The following RGS6 variants were observed in gnomAD, a reference collection of about 807,000 sequenced individuals.
RGS6 encodes regulator of G-protein signaling 6.
In RGS6, 30 loss-of-function variants were observed where a neutral mutation model predicts 78.5. The observed-to-expected ratio is 0.38, with a 90% CI of 0.29 to 0.52. The LOEUF is 0.52. RGS6 is among the 20% of genes least tolerant of loss of function. The probability of loss-of-function intolerance (pLI) is 0.85; values close to 1 mark genes in which losing one functional copy is unlikely to be tolerated. For synonymous variants in RGS6, 206 were observed against 206.0 expected (o/e 1.00, Z 0.00); for missense variants, 495 against 609.7 (o/e 0.81, Z 1.98).
At chr14:72,367,263 T>C (rs1023592444) in intron 3 of RGS6, among the ~76,000 whole-genome samples, 1 of 152,192 alleles carries the variant, frequency 6.6e-6, no homozygotes, top group Non-Finnish European at 1.5e-5. Flanking sequence ...TTCCAGGACA[T>C]CCCCATGGGT....
chr14:72,319,204 C>A (rs2071161696), intron 2 of RGS6, among the ~76,000 whole-genome samples: 1 of 152,068 alleles, frequency 6.6e-6, no homozygotes, highest in African/African-American at 2.4e-5. Context: ...ACAGACAAAT[C>A]AAAAGATAAC....
rs138716409 is a variant in RGS6, at chr14:72,079,604, T to G, written c.84+114729T>G. ...AACTTTCAAATACATTGTTATTAAC[T>G]GTAGTCACCATGGTGTATAACGGAT... On this transcript the variant is annotated intron_variant, in intron 2 of 17. Transcript: ENST00000553525. Among the ~76,000 whole-genome samples, 624 of 152,296 alleles carry G rather than the reference T, an allele frequency of 4.1e-3. 4 individuals are homozygous for G. The highest frequency in any genetic ancestry group is 0.014 in the African/African-American group (571 of 41,576).
rs576253039 is a variant in RGS6, at chr14:71,976,351, G to A, written c.84+11476G>A. ...ATGTATACATGTGCCATGCTGGTGC[G>A]CTGCACCCACTAACTCGTCATCTAG... is the stretch of plus-strand genomic sequence containing the variant. On this transcript the variant is annotated intron_variant, in intron 2 of 17. Transcript: ENST00000553525. Among the ~76,000 whole-genome samples, 39 of 149,982 alleles carry A rather than the reference G, an allele frequency of 2.6e-4. 1 individual carries two copies. The highest frequency in any genetic ancestry group is 7.9e-4 in the African/African-American group (32 of 40,668).
chr14:72,266,426 C>G lies in RGS6; in HGVS notation c.85-85669C>G, dbSNP rs575230370. Among the ~76,000 whole-genome samples the G allele has an allele frequency of 1.9e-4, 29 of 152,286 alleles. 2 individuals carry two copies. In the South Asian group the frequency reaches 2.5e-3, roughly 13 times the overall value. The stretch of plus-strand genomic sequence containing the variant: ...GGTGGTTGCACAGTTATGCCGTCCT[C>G]CCAGTTTTTACCTAGCCCCCACCTC... On this transcript the variant is annotated intron_variant, in intron 2 of 17. Coordinates refer to ENST00000553525, the MANE Select transcript of RGS6 (RefSeq NM_001204424.2).
rs376417966 is a variant in RGS6 at position 72,270,368 on chromosome 14, A to C, written c.85-81727A>C. Among the ~76,000 whole-genome samples, 9 of 152,322 alleles carry C rather than the reference A, an allele frequency of 5.9e-5. No homozygotes were observed. The East Asian group carries it at 1.2e-3, about 20-fold the overall frequency. ...GGAGAAGAGAAAGAAAGAGGAAATA[A>C]AACAGCATAATCCCAGGAACTGCCA... is the stretch of plus-strand genomic sequence containing the variant. On this transcript the variant is annotated intron_variant, in intron 2 of 17. Coordinates refer to ENST00000553525, the MANE Select transcript of RGS6 (RefSeq NM_001204424.2).
At chr14:71,974,046 C>T (rs1479760884) in intron 2 of RGS6, among the ~76,000 whole-genome samples, 2 of 152,056 alleles carry the variant, frequency 1.3e-5, no homozygotes, top group Non-Finnish European at 2.9e-5. Context: ...TTAATCTTTC[C>T]AATTTCTCCC....
At chr14:72,012,324 T>C (rs986677055) in intron 2 of RGS6, among the ~76,000 whole-genome samples, 22 of 152,338 alleles carry the variant, frequency 1.4e-4, no homozygotes, top group African/African-American at 5.3e-4. Context: ...CACATAGACA[T>C]GATTTTCTTC....
At chr14:72,606,159 C>T in the RGS6 span, among the ~76,000 whole-genome samples, 2 of 152,094 alleles carry the variant, frequency 1.3e-5, no homozygotes, top group African/African-American at 4.8e-5. Flanking sequence ...TAAACCATGC[C>T]ATTCCAAGGC....
chr14:72,059,579 C>A (rs1174366284), intron 2 of RGS6, among the ~76,000 whole-genome samples: 1 of 152,098 alleles, frequency 6.6e-6, no homozygotes, highest in African/African-American at 2.4e-5. Flanking sequence ...TCGCTGCCAC[C>A]CAGTTAAGGC....
At chr14:72,374,108 ACTTT>A (rs1054012515) in intron 3 of RGS6, among the ~76,000 whole-genome samples, 11 of 152,298 alleles carry the variant, frequency 7.2e-5, no homozygotes, top group African/African-American at 2.2e-4. Context: ...TTTTTAAAAT[ACTTT>A]AAGTTCTAGG....
At chr14:72,371,497 C>A (rs2083495159) in intron 3 of RGS6, among the ~76,000 whole-genome samples, 1 of 152,194 alleles carries the variant, frequency 6.6e-6, no homozygotes, top group African/African-American at 2.4e-5. Flanking sequence ...CATGGTGGCT[C>A]ATGCCTATAA....
At chr14:72,541,068 C>T (rs1299694103) in intron 17 of RGS6, 1 of 1,349,672 alleles carries the variant, frequency 7.4e-7, no homozygotes, top group Non-Finnish European at 9.8e-7. Flanking sequence ...AATCACGGGG[C>T]CCATCCTGTA....
chr14:72,607,563 C>A, the RGS6 span, among the ~76,000 whole-genome samples: 1 of 152,206 alleles, frequency 6.6e-6, no homozygotes, highest in Non-Finnish European at 1.5e-5. Flanking sequence ...CCATTCATAC[C>A]ATAGCAGACT....
In RGS6 at chr14:72,566,398, A is replaced by T. The variant is rs573132391; in HGVS notation, c.*3931A>T. The T allele has an allele frequency of 9.2e-5, 14 of 152,048 alleles. No individual in the cohort carries two copies. Among genetic ancestry groups the T allele is most frequent in the African/African-American group, 3.4e-4 (14 of 41,372 alleles). 9.4% of individuals were successfully genotyped at this position (152,048 alleles called of 1,614,324 possible). A position where few individuals can be genotyped will look rare whatever the true frequency, so the allele number is the denominator to read the frequency against. ...AAGCCCACTCACCGCATGATCACGG[A>T]CTCATCGGAATGGCCTCCTCTTAGT... On this transcript the variant is annotated 3_prime_UTR_variant, in exon 18 of 18. Coordinates refer to ENST00000553525, the MANE Select transcript of RGS6 (RefSeq NM_001204424.2).
intron 3 of RGS6, among the ~76,000 whole-genome samples, chr14:72,441,193 A>G (rs769289855): frequency 2.0e-5 from 3 of 152,130 alleles, no homozygotes; most frequent in Non-Finnish European, 4.4e-5. Flanking sequence ...GAGGGCTGGA[A>G]TGAGAGGCTG....
At chr14:72,546,890 C>A (rs1257614601) in intron 17 of RGS6, among the ~76,000 whole-genome samples, 2 of 152,192 alleles carry the variant, frequency 1.3e-5, no homozygotes, top group African/African-American at 4.8e-5. Flanking sequence ...GACCTGCAGG[C>A]CTTCGCCATG....
the RGS6 span, among the ~76,000 whole-genome samples, chr14:72,600,899 T>C: frequency 4.4e-3 from 671 of 152,016 alleles, 9 homozygotes; most frequent in African/African-American, 0.016. Context: ...CCCACTTGAC[T>C]GTAGCCCTCC....
intron 3 of RGS6, among the ~76,000 whole-genome samples, chr14:72,406,251 G>A (rs751534665): frequency 2.6e-5 from 4 of 152,300 alleles, no homozygotes; most frequent in Non-Finnish European, 5.9e-5. Context: ...GGGCGCAGTG[G>A]CACACGCCTG....
At chr14:71,976,811 G>C (rs1239663123) in intron 2 of RGS6, among the ~76,000 whole-genome samples, 2 of 150,126 alleles carry the variant, frequency 1.3e-5, no homozygotes, top group African/African-American at 4.9e-5. Flanking sequence ...GGTATTTCTA[G>C]TTCTAGATCC....
Sources: allele counts gnomAD v4.1 joint callset (sites outside exome capture counted in the v4.1 genomes callset), GRCh38; gene constraint gnomAD v4.1.1; transcripts MANE v1.5; gene names NCBI Gene and HGNC (gene_info 2026-07-23, HGNC 2026-07-21).